Variants in ANGPT1 observed in about 807,000 individuals in gnomAD.
ANGPT1 encodes the protein angiopoietin-1.
A neutral mutation model predicts 62.2 loss-of-function variants in ANGPT1; 17 were observed. The ratio of observed to expected loss-of-function variants is 0.27; its 90% CI spans 0.19 to 0.41. The LOEUF (loss-of-function observed/expected upper bound fraction) is 0.41. Ranked by LOEUF, ANGPT1 falls within the 10% of genes least tolerant of loss-of-function variation. The pLI, the probability that ANGPT1 is intolerant of heterozygous loss-of-function variation, is 1.00. For synonymous variants in ANGPT1, 199 were observed against 198.9 expected (o/e 1.00, Z 0.00); for missense variants, 478 against 594.9 (o/e 0.80, Z 2.04).
At chr8:107,407,920 C>T (rs1817182513) in intron 1 of ANGPT1, among the ~76,000 whole-genome samples, 1 of 152,174 alleles carries the variant, frequency 6.6e-6, no homozygotes, top group Non-Finnish European at 1.5e-5. Context: ...CTTTCAAAGA[C>T]CATTGTTCCT....
intron 1 of ANGPT1, among the ~76,000 whole-genome samples, chr8:107,473,709 G>A (rs895088733): frequency 1.3e-5 from 2 of 152,042 alleles, no homozygotes; most frequent in Admixed American, 6.6e-5. Context: ...GAACAGTGCA[G>A]TGTATATCCT....
chr8:107,308,844 A>G (rs1039778258), intron 4 of ANGPT1, among the ~76,000 whole-genome samples: 4 of 152,180 alleles, frequency 2.6e-5, no homozygotes, highest in Admixed American at 2.0e-4. Flanking sequence ...TCAGTCAATA[A>G]GCAACCTGAG....
chr8:107,408,733 T>G (rs1407099167), intron 1 of ANGPT1, among the ~76,000 whole-genome samples: 1 of 152,188 alleles, frequency 6.6e-6, no homozygotes, highest in East Asian at 1.9e-4. Flanking sequence ...AACTTTCATG[T>G]TTTATAGATC....
intron 4 of ANGPT1, among the ~76,000 whole-genome samples, chr8:107,309,864 G>A (rs189803634): frequency 6.6e-6 from 1 of 152,098 alleles, no homozygotes; most frequent in Non-Finnish European, 1.5e-5. Flanking sequence ...GTGTGAGACA[G>A]TATAACAAAC....
chr8:107,257,299 G>C (rs1348793162), intron 8 of ANGPT1, among the ~76,000 whole-genome samples: 1 of 152,098 alleles, frequency 6.6e-6, no homozygotes. Flanking sequence ...TTAAAATTTA[G>C]TTTAGTAATA....
chr8:107,454,103 T>A (rs1363542740), intron 1 of ANGPT1, among the ~76,000 whole-genome samples: 1 of 152,088 alleles, frequency 6.6e-6, no homozygotes, highest in Non-Finnish European at 1.5e-5. Flanking sequence ...CCTAAAGTCC[T>A]ACCTATTTTC....
chr8:107,401,783 T>C (rs923857608), intron 1 of ANGPT1, among the ~76,000 whole-genome samples: 1 of 152,238 alleles, frequency 6.6e-6, no homozygotes, highest in African/African-American at 2.4e-5. Context: ...ATATAAGATG[T>C]GTGATGTTTT....
At chr8:107,481,110 A>T (rs1291827359) in intron 1 of ANGPT1, among the ~76,000 whole-genome samples, 1 of 152,188 alleles carries the variant, frequency 6.6e-6, no homozygotes, top group Non-Finnish European at 1.5e-5. Flanking sequence ...CTTCACAACC[A>T]CAATGCTCGT....
At chr8:107,420,548 G>T (rs1198766938) in intron 1 of ANGPT1, among the ~76,000 whole-genome samples, 3 of 152,130 alleles carry the variant, frequency 2.0e-5, no homozygotes, top group Non-Finnish European at 4.4e-5. Context: ...GATAGAACAA[G>T]TCGTTAAAGT....
intron 1 of ANGPT1, among the ~76,000 whole-genome samples, chr8:107,382,270 C>T (rs1363013574): frequency 3.9e-5 from 6 of 151,912 alleles, no homozygotes; most frequent in African/African-American, 1.2e-4. Context: ...ATAAAACTTC[C>T]CCTTCCCTAT....
chr8:107,393,877 C>A (rs895542839), intron 1 of ANGPT1, among the ~76,000 whole-genome samples: 2 of 152,130 alleles, frequency 1.3e-5, no homozygotes, highest in Non-Finnish European at 2.9e-5. Flanking sequence ...ATAGATGGAG[C>A]AACCGTCTTG....
chr8:107,341,644 TTATAACATAATAA>T (rs1156418861), intron 2 of ANGPT1, among the ~76,000 whole-genome samples: 1 of 148,596 alleles, frequency 6.7e-6, no homozygotes, highest in Middle Eastern at 3.6e-3. Flanking sequence ...TATGTATATA[TTATAACATAATAA>T]TATAACCCTA....
At chr8:107,473,173 T>C (rs1181944606) in intron 1 of ANGPT1, among the ~76,000 whole-genome samples, 1 of 152,082 alleles carries the variant, frequency 6.6e-6, no homozygotes, top group Non-Finnish European at 1.5e-5. Context: ...ATGGTTGATG[T>C]AACAAAACCA....
At chr8:107,309,870 C>A (rs1449435884) in intron 4 of ANGPT1, among the ~76,000 whole-genome samples, 2 of 152,004 alleles carry the variant, frequency 1.3e-5, no homozygotes, top group Non-Finnish European at 2.9e-5. Context: ...GACAGTATAA[C>A]AAACACATAC....
intron 7 of ANGPT1, among the ~76,000 whole-genome samples, chr8:107,269,326 C>A (rs1044814388): frequency 1.3e-5 from 2 of 151,490 alleles, no homozygotes; most frequent in African/African-American, 2.4e-5. Context: ...AAAAAAAAAA[C>A]TTCTTTGAGT....
intron 1 of ANGPT1, among the ~76,000 whole-genome samples, chr8:107,424,906 CTCTT>C (rs945518028): frequency 3.0e-4 from 45 of 152,294 alleles, no homozygotes; most frequent in African/African-American, 1.0e-3. Context: ...CAGAGTTTCT[CTCTT>C]GTCGCCCAGG....
chr8:107,355,074 GT>G (rs75427839), intron 1 of ANGPT1, among the ~76,000 whole-genome samples: 55,612 of 151,606 alleles, frequency 0.37, 11,200 homozygotes, highest in Non-Finnish European at 0.45. Flanking sequence ...GCTAATTTTT[GT>G]TTTTTTAGTA....
chr8:107,336,261 T>A lies in ANGPT1; in HGVS notation c.464A>T (p.Gln155Leu), dbSNP rs772112333. Residue 155 changes from glutamine (Q) to leucine (L), a missense_variant, in exon 3 of 9, where the codon CAA (glutamine) becomes CTA (leucine). By Grantham distance (113) the Gln-to-Leu change is moderately radical (BLOSUM62 -2). Around this residue, in one of 4 missense-constraint regions of ANGPT1, gnomAD observed 343 missense variants for 355.4 expected, o/e 0.97. Transcript: ENST00000517746. ...LTDVETQVLN[Q>L]TSRLEIQLLE... Reference sequence around the variant, plus strand: ...CAGCTGTATCTCAAGTCGAGAAGTTTGATTTAGTACCTTAAGATAAAAGAT... The same window carrying A: ...CAGCTGTATCTCAAGTCGAGAAGTTAGATTTAGTACCTTAAGATAAAAGAT... 1.2e-6 allele frequency: 2 copies of A among 1,600,904 alleles called. No homozygotes were observed. Among genetic ancestry groups the A allele is most frequent in the Admixed American group, 3.5e-5 (2 of 57,084 alleles).
At chr8:107,448,582 T>G (rs1457597861) in intron 1 of ANGPT1, among the ~76,000 whole-genome samples, 3 of 152,112 alleles carry the variant, frequency 2.0e-5, no homozygotes, top group African/African-American at 7.2e-5. Flanking sequence ...AGGAGAGGAC[T>G]CTGGAGGTGG....
Sources: gnomAD v4.1 joint callset for allele counts (sites outside exome capture counted in the v4.1 genomes callset) on GRCh38, gnomAD v4.1.1 for gene constraint, gnomAD v4.1.1 regional missense constraint, MANE v1.5 for transcripts, NCBI Gene and HGNC (gene_info 2026-07-23, HGNC 2026-07-21) for gene names.